Variants in FGF13 observed in about 807,000 individuals in gnomAD.
FGF13 encodes the protein fibroblast growth factor 13, also known as fibroblast growth factor homologous factor 2.
In FGF13, 2 loss-of-function variants were observed where a neutral mutation model predicts 19.5. The ratio of observed to expected loss-of-function variants is 0.10; its 90% CI spans 0.04 to 0.32. The LOEUF is 0.32. Among genes scored for constraint, FGF13 ranks in the 10% least tolerant of loss-of-function variants. The pLI, the probability that FGF13 is intolerant of heterozygous loss-of-function variation, is 1.00. For missense variants in FGF13, 113 were observed against 192.7 expected, an observed-to-expected ratio of 0.59 and a Z score of 2.45; for synonymous variants, 72 against 76.9, an observed-to-expected ratio of 0.94 and a Z score of 0.33.
chrX:138,886,087 A>C (rs1274526943), intron 1 of FGF13, among the ~76,000 whole-genome samples: 1 of 112,109 alleles, frequency 8.9e-6, no homozygotes, highest in African/African-American at 3.2e-5. Context: ...GTTTGTTTTG[A>C]GAATGAAAAT....
chrX:138,990,824 A>G (rs1009450336), intron 1 of FGF13, among the ~76,000 whole-genome samples: 5 of 112,092 alleles, frequency 4.5e-5, no homozygotes, highest in Admixed American at 2.8e-4. Context: ...CTCTGTGTGA[A>G]TTAATAAGCT....
At chrX:139,051,471 A>C (rs1328457097) in intron 1 of FGF13, among the ~76,000 whole-genome samples, 1 of 111,921 alleles carries the variant, frequency 8.9e-6, no homozygotes, top group African/African-American at 3.2e-5. Flanking sequence ...CCAGTGGACA[A>C]AAGAACTACT....
At chrX:139,054,407 G>A (rs775171112) in intron 1 of FGF13, among the ~76,000 whole-genome samples, 3 of 111,192 alleles carry the variant, frequency 2.7e-5, no homozygotes, top group Non-Finnish European at 5.7e-5. Context: ...ACAGGCGTGA[G>A]CCACCGCGCC....
At chrX:138,705,085 C>A (rs1450142537) in intron 2 of FGF13, among the ~76,000 whole-genome samples, 10 of 112,007 alleles carry the variant, frequency 8.9e-5, no homozygotes, top group African/African-American at 2.9e-4. Flanking sequence ...TAAAGCAAAA[C>A]TTCCAACATG....
intron 1 of FGF13, among the ~76,000 whole-genome samples, chrX:139,005,847 A>C (rs912531885): frequency 2.8e-5 from 3 of 107,433 alleles, no homozygotes; most frequent in Non-Finnish European, 5.8e-5. Flanking sequence ...AAATTAGTGA[A>C]CTTGAAGACA....
intron 1 of FGF13, among the ~76,000 whole-genome samples, chrX:139,005,274 C>A (rs1419607102): frequency 1.1e-5 from 1 of 94,006 alleles, no homozygotes; most frequent in Non-Finnish European, 2.0e-5. Context: ...GGGAAGAGAA[C>A]AAAAGTTTTT....
At chrX:138,781,830 C>A (rs1242995561) in intron 3 of FGF13, among the ~76,000 whole-genome samples, 1 of 111,893 alleles carries the variant, frequency 8.9e-6, no homozygotes, top group Non-Finnish European at 1.9e-5. Context: ...CACTCTGATA[C>A]CAAAGCCGGG....
chrX:138,962,197 C>G (rs1409479594), intron 1 of FGF13, among the ~76,000 whole-genome samples: 2 of 112,310 alleles, frequency 1.8e-5, no homozygotes, highest in Non-Finnish European at 3.8e-5. Flanking sequence ...TATGAACAGA[C>G]TCTTCTCAAA....
chrX:138,810,174 T>C (rs1181786948), intron 3 of FGF13, among the ~76,000 whole-genome samples: 5 of 111,736 alleles, frequency 4.5e-5, no homozygotes, highest in African/African-American at 1.6e-4. Context: ...GGAGGCATCA[T>C]GCTACCTGAC....
intron 3 of FGF13, among the ~76,000 whole-genome samples, chrX:138,783,795 C>T (rs1486312677): frequency 1.6e-4 from 18 of 109,748 alleles, no homozygotes; most frequent in Non-Finnish European, 1.3e-4. Context: ...TACCATTTGA[C>T]GCAGCCATCC....
chrX:138,812,870 C>T (rs2124042163), intron 3 of FGF13, among the ~76,000 whole-genome samples: 1 of 110,485 alleles, frequency 9.1e-6, no homozygotes, highest in African/African-American at 3.3e-5. Context: ...TGTAACAGGC[C>T]CTGGCGTGTA....
intron 1 of FGF13, among the ~76,000 whole-genome samples, chrX:138,975,075 C>T: frequency 8.9e-6 from 1 of 112,835 alleles, no homozygotes; most frequent in East Asian, 2.8e-4. Context: ...TGACAAACTT[C>T]ATCCTTCTGT....
Position 138,632,909 on chromosome X carries a change from T to G in FGF13, c.679A>C (p.Arg227=). The part of the protein sequence containing the change: ...RSGSGTPTKS[R]SVSGVLNGGK... ...CCGTTCAGCACGCCAGAGACACTTC[T>G]GCTCTTGGTTGGGGTCCCGCTTCCA... Residue 227 remains arginine (R), a synonymous_variant, in exon 5 of 5, where the codon AGA becomes CGA. Transcript: ENST00000315930. 8.3e-7 allele frequency: 1 copy of G among 1,211,292 alleles called. No individual in the cohort carries two copies. The highest frequency in any genetic ancestry group is 1.1e-6 in the Non-Finnish European group (1 of 895,286).
At chrX:139,079,164 A>C (rs1201450098) in intron 1 of FGF13, among the ~76,000 whole-genome samples, 1 of 111,446 alleles carries the variant, frequency 9.0e-6, no homozygotes, top group Non-Finnish European at 1.9e-5. Context: ...GGCCTCCTGG[A>C]TCTAGATGGA....
At chrX:139,120,927 T>C (rs984357006) in intron 1 of FGF13, among the ~76,000 whole-genome samples, 4 of 112,449 alleles carry the variant, frequency 3.6e-5, no homozygotes, top group African/African-American at 1.3e-4. Flanking sequence ...ATAACAAGCA[T>C]GTTACTCATT....
Position 138,929,265 on chromosome X carries a change from G to GTGTGTC in FGF13, c.-112-64616_-112-64615insGACACA, listed in dbSNP as rs773978849. Among the ~76,000 whole-genome samples the GTGTGTC allele has an allele frequency of 1.7e-3, 187 of 108,125 alleles. 1 individual carries two copies. The highest frequency in any genetic ancestry group is 6.3e-3 in the African/African-American group (185 of 29,484). The allele number at this position is 108,125 out of a possible 115,157, so 93.9% of individuals were successfully genotyped here. ...TGTGTGTGTGTGTGTGTGTGTGTGT[G>GTGTGTC]TCTCTCTGTGTGTGTGTGTTTAGTG... On this transcript the variant is annotated intron_variant, in intron 1 of 2. Coordinates refer to the FGF13 transcript ENST00000421460.
At chrX:138,776,125 T>C (rs1384335166) in intron 3 of FGF13, among the ~76,000 whole-genome samples, 1 of 112,270 alleles carries the variant, frequency 8.9e-6, no homozygotes, top group African/African-American at 3.2e-5. Flanking sequence ...CATATGCAGC[T>C]TCCCCATCCC....
chrX:138,692,015 GGTGTAGTCACTGAAACCA>G (rs1215216559), intron 3 of FGF13, among the ~76,000 whole-genome samples: 17 of 111,449 alleles, frequency 1.5e-4, no homozygotes, highest in African/African-American at 5.5e-4. Context: ...CCCTTTAAGT[GGTGTAGTCACTGAAACCA>G]GTGCTGTAGC....
At chrX:139,079,479 C>A (rs1215607601) in intron 1 of FGF13, among the ~76,000 whole-genome samples, 1 of 111,142 alleles carries the variant, frequency 9.0e-6, no homozygotes, top group African/African-American at 3.3e-5. Context: ...TATTATGAGC[C>A]CAGAACACAA....
Sources: allele counts gnomAD v4.1 joint callset (sites outside exome capture counted in the v4.1 genomes callset), GRCh38; gene constraint gnomAD v4.1.1; transcripts MANE v1.5; gene names NCBI Gene and HGNC (gene_info 2026-07-23, HGNC 2026-07-21).